Variants in LHFPL3 observed in about 807,000 individuals in gnomAD.
The protein encoded by LHFPL3 is LHFPL tetraspan subfamily member 3.
A neutral mutation model predicts 19.3 loss-of-function variants in LHFPL3; 5 were observed. The ratio of observed to expected loss-of-function variants is 0.26; its 90% CI spans 0.14 to 0.54. LHFPL3 has a LOEUF of 0.54. LHFPL3 is among the 20% of genes least tolerant of loss of function. The pLI, the probability that LHFPL3 is intolerant of heterozygous loss-of-function variation, is 0.94. For missense variants in LHFPL3, 249 were observed against 307.4 expected (o/e 0.81, Z 1.42); for synonymous variants, 133 against 126.2 (o/e 1.05, Z -0.36).
intron 1 of LHFPL3, chr7:104,668,317 G>C (rs1356942028): frequency 6.2e-7 from 1 of 1,601,754 alleles, no homozygotes. Flanking sequence ...GATAGAAATC[G>C]GGATTCTGAC....
intron 1 of LHFPL3, among the ~76,000 whole-genome samples, chr7:104,385,089 T>A (rs573668802): frequency 6.6e-6 from 1 of 152,214 alleles, no homozygotes; most frequent in South Asian, 2.1e-4. Flanking sequence ...GAACCTGGTG[T>A]GGTGACTCAC....
At chr7:104,814,027 G>A (rs1030256072) in intron 2 of LHFPL3, among the ~76,000 whole-genome samples, 2 of 152,184 alleles carry the variant, frequency 1.3e-5, no homozygotes, top group Non-Finnish European at 1.5e-5. Flanking sequence ...GAAAGAATGA[G>A]GTATGCAGAC....
intron 1 of LHFPL3, among the ~76,000 whole-genome samples, chr7:104,578,940 C>T (rs943090821): frequency 6.6e-6 from 1 of 152,176 alleles, no homozygotes; most frequent in African/African-American, 2.4e-5. Context: ...GGGCCTTGCC[C>T]ACCAGTGTTC....
intron 2 of LHFPL3, among the ~76,000 whole-genome samples, chr7:104,835,866 A>G (rs1413862213): frequency 6.6e-6 from 1 of 151,952 alleles, no homozygotes; most frequent in African/African-American, 2.4e-5. Context: ...TGAACCTGTC[A>G]CCAAGGTTTT....
chr7:104,557,619 A>T (rs556618197), intron 1 of LHFPL3, among the ~76,000 whole-genome samples: 1 of 152,294 alleles, frequency 6.6e-6, no homozygotes, highest in South Asian at 2.1e-4. Flanking sequence ...CTGTTTCACC[A>T]TGGAAGAATA....
At chr7:104,728,849 T>G (rs1446765056) in intron 1 of LHFPL3, among the ~76,000 whole-genome samples, 1 of 152,186 alleles carries the variant, frequency 6.6e-6, no homozygotes, top group African/African-American at 2.4e-5. Flanking sequence ...TCATAGGAGA[T>G]ACTCAATAAG....
At chr7:104,459,431 T>G (rs1394902758) in intron 1 of LHFPL3, among the ~76,000 whole-genome samples, 2 of 152,208 alleles carry the variant, frequency 1.3e-5, no homozygotes, top group African/African-American at 4.8e-5. Flanking sequence ...GGAGTCAAGA[T>G]AATAAGATAC....
intron 1 of LHFPL3, among the ~76,000 whole-genome samples, chr7:104,333,054 A>G (rs1375867566): frequency 1.3e-5 from 2 of 152,062 alleles, no homozygotes; most frequent in East Asian, 1.9e-4. Context: ...TTAAAAAATC[A>G]GGATAGAAAG....
chr7:104,684,247 C>G (rs888033442), intron 1 of LHFPL3, among the ~76,000 whole-genome samples: 3 of 152,202 alleles, frequency 2.0e-5, no homozygotes, highest in African/African-American at 7.2e-5. Context: ...CTGGCCCAAC[C>G]ACCACCTCCA....
chr7:104,723,751 AGAT>A (rs1490777415), intron 1 of LHFPL3, among the ~76,000 whole-genome samples: 2 of 130,266 alleles, frequency 1.5e-5, no homozygotes, highest in Admixed American at 7.9e-5. Context: ...AAAAAAAAAA[AGAT>A]GATCTCTGAT....
At chr7:104,534,407 C>T (rs1006973936) in intron 1 of LHFPL3, among the ~76,000 whole-genome samples, 2 of 152,210 alleles carry the variant, frequency 1.3e-5, no homozygotes, top group Non-Finnish European at 2.9e-5. Context: ...ATGCTTCTAC[C>T]CACACTTCCA....
chr7:104,875,132 AGCCACT>A (rs1487489120), intron 2 of LHFPL3, among the ~76,000 whole-genome samples: 2 of 152,086 alleles, frequency 1.3e-5, no homozygotes, highest in Admixed American at 1.3e-4. Context: ...TTCAGGTATG[AGCCACT>A]GCAGCCCTAT....
chr7:104,436,702 A>G (rs7790857), intron 1 of LHFPL3, among the ~76,000 whole-genome samples: 57,025 of 152,094 alleles, frequency 0.37, 12,847 homozygotes, highest in African/African-American at 0.62. Context: ...AGCTGCATTT[A>G]CTAAATCATG....
At chr7:104,690,391 CAG>C (rs1345963575) in intron 1 of LHFPL3, among the ~76,000 whole-genome samples, 2 of 152,256 alleles carry the variant, frequency 1.3e-5, no homozygotes, top group Admixed American at 1.3e-4. Flanking sequence ...TATCCTACCT[CAG>C]GGGTATATCA....
intron 1 of LHFPL3, among the ~76,000 whole-genome samples, chr7:104,471,009 T>C (rs1278313175): frequency 6.6e-6 from 1 of 152,160 alleles, no homozygotes; most frequent in East Asian, 1.9e-4. Flanking sequence ...CAGTTTCCAG[T>C]GAGTTCAAAA....
intron 1 of LHFPL3, among the ~76,000 whole-genome samples, chr7:104,441,616 G>A (rs13241994): frequency 0.11 from 16,418 of 151,938 alleles, 955 homozygotes; most frequent in African/African-American, 0.15. Flanking sequence ...TTGCCCTGTC[G>A]CCCAAGCTGG....
intron 1 of LHFPL3, among the ~76,000 whole-genome samples, chr7:104,651,073 A>G (rs1157803817): frequency 2.0e-5 from 3 of 152,196 alleles, no homozygotes; most frequent in Non-Finnish European, 4.4e-5. Flanking sequence ...AGAATAAATC[A>G]GACTGCATAA....
chr7:104,537,399 C>T (rs1327167953), intron 1 of LHFPL3, among the ~76,000 whole-genome samples: 1 of 152,152 alleles, frequency 6.6e-6, no homozygotes, highest in Non-Finnish European at 1.5e-5. Flanking sequence ...AAGTTATTCT[C>T]TTGCTAAACT....
chr7:104,862,502 G>A (rs1278323654), intron 2 of LHFPL3, among the ~76,000 whole-genome samples: 1 of 152,190 alleles, frequency 6.6e-6, no homozygotes, highest in Non-Finnish European at 1.5e-5. Context: ...GGGATGCTCT[G>A]ATAGAGCTGC....
Sources: allele counts gnomAD v4.1 joint callset (sites outside exome capture counted in the v4.1 genomes callset), GRCh38; gene constraint gnomAD v4.1.1; transcripts MANE v1.5; gene names NCBI Gene and HGNC (gene_info 2026-07-23, HGNC 2026-07-21).